Variants in FRMD6 observed in about 807,000 individuals in gnomAD.
FRMD6 encodes FERM domain containing 6.
In FRMD6, 37 loss-of-function variants were observed where a neutral mutation model predicts 73.2. That is an observed-to-expected ratio of 0.51 (90% CI 0.39 to 0.66). The LOEUF (loss-of-function observed/expected upper bound fraction) is 0.66. Among genes scored for constraint, FRMD6 ranks in the 30% least tolerant of loss-of-function variants. FRMD6 has a pLI of 0.00. For missense variants in FRMD6, 714 were observed against 780.5 expected (o/e 0.91, Z 1.02); for synonymous variants, 273 against 282.2 (o/e 0.97, Z 0.33).
chr14:51,633,125 G>T (rs1276244769), intron 2 of FRMD6, among the ~76,000 whole-genome samples: 1 of 148,092 alleles, frequency 6.8e-6, no homozygotes, highest in Non-Finnish European at 1.5e-5. Context: ...CAATCTAATG[G>T]GATATGTGAG....
At chr14:51,675,813 G>A (rs905866735) in intron 1 of FRMD6, among the ~76,000 whole-genome samples, 1 of 152,000 alleles carries the variant, frequency 6.6e-6, no homozygotes, top group African/African-American at 2.4e-5. Flanking sequence ...TGTCCCCACA[G>A]CAAATGCTGC....
chr14:51,430,613 CA>C, the FRMD6 span, among the ~76,000 whole-genome samples: 1 of 148,802 alleles, frequency 6.7e-6, no homozygotes, highest in Non-Finnish European at 1.5e-5. Context: ...AAAAAAAAAA[CA>C]AAAAACAACA....
intron 1 of FRMD6, chr14:51,547,815 G>A (rs903352203): frequency 1.3e-5 from 2 of 151,204 alleles, no homozygotes; most frequent in East Asian, 3.9e-4. Context: ...AGACACATCT[G>A]TAAGTATTTT....
At chr14:51,710,112 T>C (rs1008586599) in intron 7 of FRMD6, among the ~76,000 whole-genome samples, 5 of 152,210 alleles carry the variant, frequency 3.3e-5, no homozygotes, top group Admixed American at 6.5e-5. Context: ...CCCCAATTTA[T>C]CTTCTGTGTA....
chr14:51,721,305 G>A lies in FRMD6; in HGVS notation c.1361-644G>A, dbSNP rs544925886. 3.3e-5 allele frequency among the ~76,000 whole-genome samples: 5 copies of A among 152,290 alleles called. No homozygotes were observed. In the South Asian group the frequency reaches 1.0e-3, roughly 32 times the overall value. ...TATTAAAACACATATAGGTAATGCA[G>A]CAATCCGATAAGAAAGAACAAGTAG... On this transcript the variant is annotated intron_variant, in intron 11 of 13. Coordinates refer to ENST00000344768, the MANE Select transcript of FRMD6 (RefSeq NM_001267046.2).
the FRMD6 span, among the ~76,000 whole-genome samples, chr14:51,426,915 C>G: frequency 6.6e-6 from 1 of 152,144 alleles, no homozygotes; most frequent in East Asian, 1.9e-4. Context: ...TTAGAGCTGA[C>G]AGAGCAGAAT....
At chr14:51,644,353 TCACACACA>T (rs375341468) in intron 2 of FRMD6, among the ~76,000 whole-genome samples, 93 of 142,160 alleles carry the variant, frequency 6.5e-4, no homozygotes, top group Middle Eastern at 3.6e-3. Flanking sequence ...GCCTCACCCT[TCACACACA>T]CACACACACA....
the FRMD6 span, among the ~76,000 whole-genome samples, chr14:51,442,996 A>G: frequency 1.3e-5 from 2 of 152,162 alleles, no homozygotes; most frequent in South Asian, 4.2e-4. Flanking sequence ...TGGTGCATAA[A>G]TCACTGCATG....
At chr14:51,704,482 C>T in intron 5 of FRMD6, 1 of 374,698 alleles carries the variant, frequency 2.7e-6, no homozygotes, top group Non-Finnish European at 4.8e-6. Context: ...AGACCTTTTT[C>T]TTCTCTGAAT....
rs570974177 is a variant in FRMD6, at chr14:51,517,562, T to C, written c.-210+28142T>C. Among the ~76,000 whole-genome samples, 35 of 152,242 alleles carry C rather than the reference T, an allele frequency of 2.3e-4. 1 individual carries two copies. Among genetic ancestry groups the C allele is most frequent in the Non-Finnish European group, 3.1e-4 (21 of 68,012 alleles). On this transcript the variant is annotated intron_variant, in intron 1 of 14. Transcript: ENST00000356218. ...ACTCTCCACTGTTGGTGGGGAAGAA[T>C]AGAGTCTCAAGTTCTGTTAAATTAC...
At chr14:51,454,895 C>T in the FRMD6 span, 4 of 152,100 alleles carry the variant, frequency 2.6e-5, no homozygotes, top group African/African-American at 7.2e-5. Flanking sequence ...TCTAATGGCA[C>T]AGGATTTATG....
At chr14:51,614,018 G>A (rs1451557344) in intron 2 of FRMD6, among the ~76,000 whole-genome samples, 1 of 151,980 alleles carries the variant, frequency 6.6e-6, no homozygotes, top group Admixed American at 6.6e-5. Flanking sequence ...AAGCTACCAC[G>A]TATCAAACAC....
At chr14:51,477,417 TG>T in the FRMD6 span, among the ~76,000 whole-genome samples, 7 of 152,148 alleles carry the variant, frequency 4.6e-5, no homozygotes, top group Non-Finnish European at 1.0e-4. Context: ...AGTCCCTTCT[TG>T]AAAAAAGAAT....
chr14:51,678,396 G>T (rs1342565012), intron 1 of FRMD6, among the ~76,000 whole-genome samples: 1 of 152,054 alleles, frequency 6.6e-6, no homozygotes, highest in Non-Finnish European at 1.5e-5. Flanking sequence ...ATTATTTTGT[G>T]GACAGTGTTG....
chr14:51,722,323 T>A (rs762655610), intron 12 of FRMD6, among the ~76,000 whole-genome samples: 1 of 152,148 alleles, frequency 6.6e-6, no homozygotes, highest in Non-Finnish European at 1.5e-5. Flanking sequence ...GGACAAAAGG[T>A]AGTTGAACAG....
rs920903580 is a variant in FRMD6 at position 51,620,984 on chromosome 14, C to T, written c.-147+50574C>T. Among the ~76,000 whole-genome samples the T allele has an allele frequency of 4.6e-5, 7 of 152,176 alleles. No individual in the cohort carries two copies. In the South Asian group the frequency reaches 1.4e-3, roughly 31 times the overall value. ...AGAAGCATCCAGGCCAGCTGATTTG[C>T]CAGAGTTTGCTGATAGAATCAACTT... is the stretch of plus-strand genomic sequence containing the variant. On this transcript the variant is annotated intron_variant, in intron 2 of 14. Coordinates refer to the FRMD6 transcript ENST00000356218.
intron 2 of FRMD6, among the ~76,000 whole-genome samples, chr14:51,611,271 A>G (rs1280590556): frequency 6.6e-6 from 1 of 152,230 alleles, no homozygotes; most frequent in Non-Finnish European, 1.5e-5. Context: ...TTATTTTACC[A>G]GAACTTCCCA....
intron 2 of FRMD6, among the ~76,000 whole-genome samples, chr14:51,572,166 A>G (rs2139597161): frequency 6.6e-6 from 1 of 152,358 alleles, no homozygotes; most frequent in East Asian, 1.9e-4. Context: ...CTAGGAGAGT[A>G]AAGAATAGTG....
Position 51,704,808 on chromosome 14 carries a change from A to T in FRMD6, c.431A>T (p.Gln144Leu), listed in dbSNP as rs199547318. The change falls in exon 6 of 14, where the codon CAG (glutamine) becomes CTG (leucine). Residue 144 changes from glutamine (Q) to leucine (L), a missense_variant. Physicochemically the swap from Gln to Leu is moderately radical, Grantham distance 113. Transcript: ENST00000344768. Reference protein sequence around the residue: ...WHLRKQVLHSQCVLREEAYFL... With the variant: ...WHLRKQVLHSLCVLREEAYFL... ...CTGAGAAAACAAGTTCTTCATTCTC[A>T]GTGTGTGCTCCGAGAGGAGGCCTAC... is the stretch of plus-strand genomic sequence containing the variant. 409 of 1,613,358 alleles carry T rather than the reference A, an allele frequency of 2.5e-4. 3 individuals carry two copies. Among genetic ancestry groups the T allele is most frequent in the Middle Eastern group, 1.5e-3 (9 of 6,056 alleles).
Sources: allele counts gnomAD v4.1 joint callset (sites outside exome capture counted in the v4.1 genomes callset), GRCh38; gene constraint gnomAD v4.1.1; transcripts MANE v1.5; gene names NCBI Gene and HGNC (gene_info 2026-07-23, HGNC 2026-07-21).